ZMYM2: variants seen among roughly 807,000 people sequenced by gnomAD.
ZMYM2 encodes the protein zinc finger MYM-type containing 2.
A neutral mutation model predicts 162.8 loss-of-function variants in ZMYM2; 56 were observed. The ratio of observed to expected loss-of-function variants is 0.34; its 90% CI spans 0.28 to 0.43. The LOEUF is 0.43. Among genes scored for constraint, ZMYM2 ranks in the 20% least tolerant of loss-of-function variants. The pLI is 1.00. For synonymous variants in ZMYM2, 510 were observed against 541.6 expected, an observed-to-expected ratio of 0.94 and a Z score of 0.81; for missense variants, 1,275 against 1,621.8, an observed-to-expected ratio of 0.79 and a Z score of 3.67.
At chr13:20,069,845 A>G (rs1234500173) in intron 21 of ZMYM2, among the ~76,000 whole-genome samples, 1 of 152,134 alleles carries the variant, frequency 6.6e-6, no homozygotes, top group African/African-American at 2.4e-5. Context: ...AACTCAGAAA[A>G]AAAAAAGTGA....
At chr13:19,886,818 T>G in the ZMYM2 span, among the ~76,000 whole-genome samples, 65 of 150,640 alleles carry the variant, frequency 4.3e-4, 1 homozygote, top group African/African-American at 8.8e-4. Flanking sequence ...CCCGGTTAAT[T>G]TTTTTTTTAA....
chr13:19,958,555 G>C (rs1227890911), upstream of ZMYM2: 5 of 151,678 alleles, frequency 3.3e-5, no homozygotes, highest in African/African-American at 1.2e-4. Context: ...GGAGTGGCCC[G>C]CACCTGACGG....
At position 20,002,898 on chromosome 13, in the gene ZMYM2, C is replaced by G; in HGVS notation, c.896C>G (p.Pro299Arg). The G allele has an allele frequency of 6.2e-7, 1 of 1,614,094 alleles. No homozygotes were observed. Among genetic ancestry groups the G allele is most frequent in the East Asian group, 2.2e-5 (1 of 44,884 alleles). Residue 299 changes from proline (P) to arginine (R), a missense_variant, in exon 4 of 25, where the codon CCA becomes CGA. By Grantham distance (103) the Pro-to-Arg change is moderately radical. Around this residue, in one of 10 missense-constraint regions of ZMYM2, gnomAD observed 115 missense variants for 175.3 expected, o/e 0.66. Coordinates refer to ENST00000610343, the MANE Select transcript of ZMYM2 (RefSeq NM_197968.4). ...SASFPRNQKQPGVDSLSPVAS... is the reference protein window; with the variant it reads ...SASFPRNQKQRGVDSLSPVAS... ...TCATTTCCCCGTAATCAGAAACAACCAGGGGTGGACTCTTTATCACCAGTG... is the reference window on the plus strand; with the variant it reads ...TCATTTCCCCGTAATCAGAAACAACGAGGGGTGGACTCTTTATCACCAGTG...
intron 6 of ZMYM2, among the ~76,000 whole-genome samples, chr13:20,009,896 A>T (rs1338651544): frequency 1.3e-5 from 2 of 152,200 alleles, no homozygotes; most frequent in East Asian, 3.8e-4. Flanking sequence ...AATTTGATAT[A>T]AGTATCCTGG....
chr13:20,021,320 G>GT (rs1952075138), intron 7 of ZMYM2, among the ~76,000 whole-genome samples: 1 of 128,188 alleles, frequency 7.8e-6, no homozygotes, highest in African/African-American at 3.1e-5. Flanking sequence ...TCTATAGTTT[G>GT]ATTTTCTTTT....
chr13:19,958,722 G>A (rs564060384), upstream of ZMYM2: 98 of 153,672 alleles, frequency 6.4e-4, 1 homozygote, highest in Non-Finnish European at 1.3e-3. Context: ...CGCCTCCTCC[G>A]CCTCCTCCTC....
chr13:20,019,918 A>G (rs746132162), intron 7 of ZMYM2: 1 of 200,102 alleles, frequency 5.0e-6, no homozygotes, highest in Non-Finnish European at 1.0e-5. Context: ...ATAAAGGGAT[A>G]TAAAAATCCT....
At chr13:20,030,247 T>C (rs76705740) in intron 9 of ZMYM2, among the ~76,000 whole-genome samples, 23 of 151,502 alleles carry the variant, frequency 1.5e-4, no homozygotes, top group African/African-American at 2.7e-4. Flanking sequence ...TTTTTTTTTT[T>C]CCAGATGGAG....
chr13:19,868,016 G>A, the ZMYM2 span, among the ~76,000 whole-genome samples: 1 of 152,230 alleles, frequency 6.6e-6, no homozygotes, highest in South Asian at 2.1e-4. Flanking sequence ...TTTGGAGCTT[G>A]CCAGCTCCCC....
chr13:19,897,909 A>G, the ZMYM2 span, among the ~76,000 whole-genome samples: 1 of 152,150 alleles, frequency 6.6e-6, no homozygotes, highest in African/African-American at 2.4e-5. Flanking sequence ...GGAAACTTCA[A>G]TACTCCCCTT....
upstream of ZMYM2, among the ~76,000 whole-genome samples, chr13:19,956,853 C>G (rs1014509476): frequency 6.6e-6 from 1 of 152,082 alleles, no homozygotes; most frequent in Non-Finnish European, 1.5e-5. Context: ...AAGTTTTCAC[C>G]AAATTATTAC....
At chr13:19,924,064 A>G in the ZMYM2 span, among the ~76,000 whole-genome samples, 1 of 152,116 alleles carries the variant, frequency 6.6e-6, no homozygotes, top group Admixed American at 6.6e-5. Context: ...AACTATCATA[A>G]CATTTTCAGG....
intron 2 of ZMYM2, among the ~76,000 whole-genome samples, chr13:19,986,447 A>C (rs1949149406): frequency 6.6e-6 from 1 of 152,176 alleles, no homozygotes. Flanking sequence ...AAGACATTTC[A>C]GAAATTAAAA....
chr13:19,909,964 C>A, the ZMYM2 span, among the ~76,000 whole-genome samples: 1 of 151,690 alleles, frequency 6.6e-6, no homozygotes, highest in African/African-American at 2.4e-5. Flanking sequence ...GCCTGTAATC[C>A]CAGCACTTTG....
chr13:19,968,328 C>T lies in ZMYM2; in HGVS notation c.-11+8302C>T, dbSNP rs375022627. Among the ~76,000 whole-genome samples, 128 of 150,934 alleles carry T rather than the reference C, an allele frequency of 8.5e-4. 4 individuals carry two copies. The South Asian group carries it at 0.022, about 26-fold the overall frequency. ...TGTGATCTCGGTCCACTGCAACCTC[C>T]GCCTCCCGGGTTCAAGCGATTCTCC... On this transcript the variant is annotated intron_variant, in intron 2 of 24. Coordinates refer to ENST00000610343, the MANE Select transcript of ZMYM2 (RefSeq NM_197968.4).
chr13:20,062,795 C>A, intron 17 of ZMYM2, 51 bp from the exon 18 acceptor site: 1 of 1,474,970 alleles, frequency 6.8e-7, no homozygotes, highest in Admixed American at 2.6e-5. Context: ...AATACAGATA[C>A]CATTGGGGTT....
intron 7 of ZMYM2, chr13:20,025,883 C>T (rs1952538367): frequency 6.6e-6 from 1 of 152,140 alleles, no homozygotes; most frequent in Non-Finnish European, 1.5e-5. Flanking sequence ...TATATCTAAA[C>T]ATAGAAAAGG....
intron 6 of ZMYM2, among the ~76,000 whole-genome samples, chr13:20,007,990 A>G (rs1010831607): frequency 2.0e-5 from 3 of 152,198 alleles, no homozygotes; most frequent in Non-Finnish European, 4.4e-5. Flanking sequence ...TGTGGTTTCA[A>G]TTACTCACAG....
chr13:19,873,401 T>TTTAA, the ZMYM2 span, among the ~76,000 whole-genome samples: 2 of 149,792 alleles, frequency 1.3e-5, no homozygotes, highest in African/African-American at 4.9e-5. Context: ...TATTTATTTA[T>TTTAA]TTATTTATTT....
Sources: gnomAD v4.1 joint callset for allele counts (sites outside exome capture counted in the v4.1 genomes callset) on GRCh38, gnomAD v4.1.1 for gene constraint, gnomAD v4.1.1 regional missense constraint, MANE v1.5 for transcripts, NCBI Gene and HGNC (gene_info 2026-07-23, HGNC 2026-07-21) for gene names.